Variants in MYO1H observed in about 807,000 individuals in gnomAD.
MYO1H encodes unconventional myosin-Ih.
MYO1H carries 118 observed loss-of-function variants against 149.3 expected under a neutral mutation model. The ratio of observed to expected loss-of-function variants is 0.79; its 90% CI spans 0.68 to 0.92. MYO1H has a LOEUF of 0.92. Ranked by LOEUF, MYO1H falls within the 40% of genes least tolerant of loss-of-function variation. The pLI, the probability that MYO1H is intolerant of heterozygous loss-of-function variation, is 0.00. For missense variants in MYO1H, 1,212 were observed against 1,280.7 expected (o/e 0.95, Z 0.82); for synonymous variants, 447 against 465.2 (o/e 0.96, Z 0.50).
chr12:109,403,904 G>C, intron 6 of MYO1H, 78 bp from the exon 7 acceptor site: 1 of 939,480 alleles, frequency 1.1e-6, no homozygotes, highest in Non-Finnish European at 1.7e-6. Context: ...ACTAGCTTTT[G>C]CATCTTCAGA....
intron 2 of MYO1H, among the ~76,000 whole-genome samples, chr12:109,390,799 G>A (rs1869616787): frequency 2.0e-5 from 3 of 152,078 alleles, no homozygotes; most frequent in Admixed American, 2.0e-4. Flanking sequence ...CCAAGTAGCT[G>A]GGATTACAGG....
intron 19 of MYO1H, among the ~76,000 whole-genome samples, chr12:109,431,172 G>A (rs1871599423): frequency 6.6e-6 from 1 of 152,064 alleles, no homozygotes; most frequent in Admixed American, 6.5e-5. Context: ...GAGGCCAGGA[G>A]ATCGAGACCA....
rs148329605 is a variant in MYO1H, at chr12:109,435,049, C to A, written c.2076C>A (p.Phe692Leu). 7 of 1,606,632 alleles carry A rather than the reference C, an allele frequency of 4.4e-6. No individual in the cohort carries two copies. In the East Asian group the frequency reaches 1.6e-4, roughly 36 times the overall value. The change falls in exon 21 of 32, where the codon TTC (phenylalanine) becomes TTA (leucine). Residue 692 changes from phenylalanine (F) to leucine (L), a missense_variant. By Grantham distance (22) the Phe-to-Leu change is conservative. Coordinates refer to ENST00000310903, the Ensembl canonical transcript of MYO1H. ...TTTTCACTTCTAGAACCAAAATATT[C>A]ATTCGTTTCCCCAGAACTCTGTTTG...
exon 4 of MYO1H, chr12:109,396,564 C>G (rs1371425226): frequency 6.2e-7 from 1 of 1,612,644 alleles, no homozygotes; most frequent in Admixed American, 1.7e-5. Flanking sequence ...GACTGCTGTT[C>G]TCCAACCCAG....
chr12:109,318,853 G>GAGAAAGTT, the MYO1H span, among the ~76,000 whole-genome samples: 5 of 152,086 alleles, frequency 3.3e-5, no homozygotes, highest in Non-Finnish European at 7.4e-5. Flanking sequence ...ATAGGAATGT[G>GAGAAAGTT]CCAAAGTGGA....
upstream of MYO1H, among the ~76,000 whole-genome samples, chr12:109,344,033 A>G (rs1396073797): frequency 6.6e-6 from 1 of 152,120 alleles, no homozygotes; most frequent in Non-Finnish European, 1.5e-5. Flanking sequence ...CTTGTTAAGG[A>G]TGACCTTGAC....
At chr12:109,413,147 G>A (rs1870750000) in intron 14 of MYO1H, among the ~76,000 whole-genome samples, 1 of 151,156 alleles carries the variant, frequency 6.6e-6, no homozygotes, top group Non-Finnish European at 1.5e-5. Flanking sequence ...CTATTTTTTT[G>A]TATTTTTAGT....
chr12:109,409,986 A>T (rs1206600569), exon 12 of MYO1H: 56 of 1,538,100 alleles, frequency 3.6e-5, no homozygotes, highest in Non-Finnish European at 4.9e-5. Flanking sequence ...TGTATAAATT[A>T]CTGCAATGAG....
chr12:109,376,887 G>C (rs75784891), intron 1 of MYO1H, among the ~76,000 whole-genome samples: 1 of 152,122 alleles, frequency 6.6e-6, no homozygotes, highest in South Asian at 2.1e-4. Flanking sequence ...CAGTGTGGGA[G>C]AACATAACAT....
intron 31 of MYO1H, among the ~76,000 whole-genome samples, chr12:109,446,800 GC>G (rs1872501105): frequency 6.6e-6 from 1 of 152,202 alleles, no homozygotes; most frequent in Admixed American, 6.5e-5. Context: ...TAAAATAATT[GC>G]CCCTAGACAC....
At position 109,432,979 on chromosome 12, in the gene MYO1H, G is replaced by T. The variant is rs1372370152; in HGVS notation, c.2032G>T (p.Gly678Cys). The T allele has an allele frequency of 1.9e-6, 3 of 1,613,970 alleles. No homozygotes were observed. In the South Asian group the frequency reaches 3.3e-5, roughly 18 times the overall value. Reference sequence around the variant, plus strand: ...CGTGGAACGGCTGATCAAGTACATCGGCTACAAACCCGAGGAATACAAGTT... The same window carrying T: ...CGTGGAACGGCTGATCAAGTACATCTGCTACAAACCCGAGGAATACAAGTT... The change falls in exon 20 of 32, where the codon GGC becomes TGC. Residue 678 changes from glycine (G) to cysteine (C), a missense_variant. Gly to Cys is a radical substitution (Grantham distance 159). Coordinates refer to ENST00000310903, the Ensembl canonical transcript of MYO1H.
chr12:109,312,093 CA>C, the MYO1H span, among the ~76,000 whole-genome samples: 1 of 152,218 alleles, frequency 6.6e-6, no homozygotes, highest in Non-Finnish European at 1.5e-5. Context: ...TAACTGGGAA[CA>C]CCAGTTCCTC....
chr12:109,446,953 TCCTC>T, intron 31 of MYO1H: 1 of 622,216 alleles, frequency 1.6e-6, no homozygotes, highest in South Asian at 1.8e-5. Context: ...GAGTCCATCT[TCCTC>T]CCTGACTGGT....
chr12:109,364,828 C>A (rs1868835227), intron 1 of MYO1H, among the ~76,000 whole-genome samples: 1 of 152,100 alleles, frequency 6.6e-6, no homozygotes, highest in Admixed American at 6.5e-5. Context: ...ATGCTACCTC[C>A]AGTGTGTTTG....
At chr12:109,371,100 C>G (rs12231326) in intron 1 of MYO1H, among the ~76,000 whole-genome samples, 37,564 of 151,858 alleles carry the variant, frequency 0.25, 5,547 homozygotes, top group Admixed American at 0.39. Context: ...CTTAAGCCTT[C>G]TTTTCCAGAA....
the MYO1H span, among the ~76,000 whole-genome samples, chr12:109,334,985 T>C: frequency 6.6e-6 from 1 of 152,228 alleles, no homozygotes. Context: ...ATTCTGTCTC[T>C]ACAGATTTTT....
At chr12:109,364,651 ATTG>A (rs1480626350) in intron 1 of MYO1H, among the ~76,000 whole-genome samples, 11 of 152,316 alleles carry the variant, frequency 7.2e-5, no homozygotes, top group South Asian at 4.1e-4. Flanking sequence ...ATTATGTCTT[ATTG>A]TTGTAAATTT....
chr12:109,332,124 CAG>C, the MYO1H span, among the ~76,000 whole-genome samples: 4 of 152,178 alleles, frequency 2.6e-5, no homozygotes, highest in Admixed American at 6.5e-5. Flanking sequence ...TGCTATCTAA[CAG>C]AGAGCAGTAG....
chr12:109,396,830 T>TTG (rs1869936517), intron 4 of MYO1H, among the ~76,000 whole-genome samples: 1 of 131,020 alleles, frequency 7.6e-6, no homozygotes, highest in African/African-American at 2.8e-5. Context: ...TTTTTTTTTT[T>TTG]TTTTTTTTTT....
Sources: gnomAD v4.1 joint callset for allele counts (sites outside exome capture counted in the v4.1 genomes callset) on GRCh38, gnomAD v4.1.1 for gene constraint, MANE v1.5 for transcripts, NCBI Gene and HGNC (gene_info 2026-07-23, HGNC 2026-07-21) for gene names.